The following MCPH1 variants were observed in gnomAD, a reference collection of about 807,000 sequenced individuals.
MCPH1 encodes the protein microcephalin 1.
Under a neutral mutation model 84.5 loss-of-function variants are expected in MCPH1, and 104 were observed. The ratio of observed to expected loss-of-function variants is 1.23; its 90% CI spans 1.05 to 1.45. MCPH1 has a LOEUF of 1.45. Among genes scored for constraint, MCPH1 ranks in the 40% most tolerant of loss-of-function variants. The pLI, the probability that MCPH1 is intolerant of heterozygous loss-of-function variation, is 0.00. For missense variants in MCPH1, 1,498 were observed against 1,005.7 expected (o/e 1.49, Z -6.62); for synonymous variants, 514 against 366.8 (o/e 1.40, Z -4.58).
chr8:6,460,440 G>C (rs7001036), intron 9 of MCPH1, among the ~76,000 whole-genome samples: 37,144 of 151,712 alleles, frequency 0.24, 6,308 homozygotes, highest in African/African-American at 0.48. Context: ...GGTCTCGAAC[G>C]CCTGGTCTCA....
At chr8:6,426,339 G>A (rs1479488267) in intron 3 of MCPH1, among the ~76,000 whole-genome samples, 3 of 151,910 alleles carry the variant, frequency 2.0e-5, no homozygotes, top group African/African-American at 4.8e-5. Flanking sequence ...ATTTGCTGTC[G>A]GCCTCCCTGC....
At chr8:6,530,470 C>T (rs2515473) in intron 12 of MCPH1, among the ~76,000 whole-genome samples, 98,721 of 145,984 alleles carry the variant, frequency 0.68, 33,842 homozygotes, top group Non-Finnish European at 0.72. Flanking sequence ...GATCACACCA[C>T]TGCACTCCAA....
At chr8:6,464,446 C>G (rs1488691051) in intron 9 of MCPH1, among the ~76,000 whole-genome samples, 1 of 152,190 alleles carries the variant, frequency 6.6e-6, no homozygotes, top group African/African-American at 2.4e-5. Flanking sequence ...ATAGGATCTT[C>G]AAAGAACTCC....
At chr8:6,632,686 G>T (rs1011942071) in intron 13 of MCPH1, among the ~76,000 whole-genome samples, 1 of 152,140 alleles carries the variant, frequency 6.6e-6, no homozygotes, top group African/African-American at 2.4e-5. Context: ...GCACGTGCCT[G>T]TAGTCCCAGC....
At chr8:6,450,659 C>T (rs1254305158) in intron 8 of MCPH1, among the ~76,000 whole-genome samples, 2 of 151,756 alleles carry the variant, frequency 1.3e-5, no homozygotes, top group East Asian at 3.8e-4. Flanking sequence ...ATGATGTCAC[C>T]GATAACCACT....
intron 12 of MCPH1, among the ~76,000 whole-genome samples, chr8:6,556,094 C>T (rs1384225163): frequency 6.6e-6 from 1 of 152,126 alleles, no homozygotes; most frequent in African/African-American, 2.4e-5. Context: ...GCGAGAATTG[C>T]TGCCAAGACT....
At chr8:6,634,114 T>A (rs1233198725) in intron 13 of MCPH1, among the ~76,000 whole-genome samples, 1 of 152,080 alleles carries the variant, frequency 6.6e-6, no homozygotes, top group African/African-American at 2.4e-5. Context: ...AAAATGAAGA[T>A]GTGAATAGTG....
At chr8:6,618,142 T>G (rs1408685220) in intron 12 of MCPH1, among the ~76,000 whole-genome samples, 1 of 152,218 alleles carries the variant, frequency 6.6e-6, no homozygotes, top group African/African-American at 2.4e-5. Flanking sequence ...ATGAAAATAA[T>G]AAACAGCAAG....
chr8:6,636,117 T>C (rs1797534057), intron 13 of MCPH1, among the ~76,000 whole-genome samples: 2 of 152,268 alleles, frequency 1.3e-5, no homozygotes, highest in East Asian at 3.9e-4. Flanking sequence ...GGCGGGCAGA[T>C]CACTTGAGGC....
At chr8:6,455,276 T>G in intron 9 of MCPH1, 24 bp downstream of exon 9, 1 of 1,500,850 alleles carries the variant, frequency 6.7e-7, no homozygotes, top group Non-Finnish European at 9.3e-7. Flanking sequence ...AATATTATTT[T>G]AAACTTTCAA....
At chr8:6,623,097 C>T (rs1477452795) in intron 13 of MCPH1, among the ~76,000 whole-genome samples, 1 of 148,732 alleles carries the variant, frequency 6.7e-6, no homozygotes, top group Non-Finnish European at 1.5e-5. Flanking sequence ...AAGCGATCCT[C>T]CTGCTTTGGC....
chr8:6,483,220 G>C (rs1460827888), intron 11 of MCPH1, among the ~76,000 whole-genome samples: 2 of 152,206 alleles, frequency 1.3e-5, no homozygotes, highest in Non-Finnish European at 2.9e-5. Context: ...TGGATTAGAA[G>C]ACATAGTACA....
At chr8:6,602,788 G>C (rs1040022561) in intron 12 of MCPH1, among the ~76,000 whole-genome samples, 3 of 151,712 alleles carry the variant, frequency 2.0e-5, no homozygotes, top group Admixed American at 6.6e-5. Flanking sequence ...CTCCTGTTCT[G>C]ACCTCCCCAC....
At chr8:6,476,811 C>G (rs111817399) in intron 9 of MCPH1, among the ~76,000 whole-genome samples, 14 of 152,222 alleles carry the variant, frequency 9.2e-5, no homozygotes, top group African/African-American at 2.7e-4. Flanking sequence ...ATGTAAATTA[C>G]AAAAGTATAT....
intron 12 of MCPH1, among the ~76,000 whole-genome samples, chr8:6,543,690 G>A (rs1822020219): frequency 6.6e-6 from 1 of 152,088 alleles, no homozygotes; most frequent in Non-Finnish European, 1.5e-5. Flanking sequence ...GTGCTTTTCT[G>A]AACTATTTAG....
At chr8:6,502,844 G>A (rs898091946) in intron 12 of MCPH1, 4 of 449,342 alleles carry the variant, frequency 8.9e-6, no homozygotes, top group Non-Finnish European at 1.2e-5. Context: ...CTGATTCTCA[G>A]CCTCGGGTTC....
chr8:6,547,113 C>G (rs942061697), intron 12 of MCPH1, among the ~76,000 whole-genome samples: 3 of 151,628 alleles, frequency 2.0e-5, no homozygotes, highest in Non-Finnish European at 4.4e-5. Context: ...GCCAGTTTTA[C>G]AAAACTCATG....
intron 3 of MCPH1, among the ~76,000 whole-genome samples, chr8:6,426,343 T>C (rs1047996081): frequency 6.6e-6 from 1 of 152,206 alleles, no homozygotes; most frequent in African/African-American, 2.4e-5. Flanking sequence ...GCTGTCGGCC[T>C]CCCTGCCCCC....
chr8:6,594,379 G>T lies in MCPH1; in HGVS notation c.2215-27075G>T, dbSNP rs545030807. On this transcript the variant is annotated intron_variant, in intron 12 of 13. Transcript: ENST00000344683. The stretch of plus-strand genomic sequence containing the variant: ...GAATTTTACTGGAGTTTTCACTGCA[G>T]TGCAGCCCAGGGTAGGACACAGAGG... 9.2e-5 allele frequency among the ~76,000 whole-genome samples: 14 copies of T among 152,344 alleles called. No homozygotes were observed. In the South Asian group the frequency reaches 2.7e-3, roughly 29 times the overall value.
Sources: gnomAD v4.1 joint callset for allele counts (sites outside exome capture counted in the v4.1 genomes callset) on GRCh38, gnomAD v4.1.1 for gene constraint, MANE v1.5 for transcripts, NCBI Gene and HGNC (gene_info 2026-07-23, HGNC 2026-07-21) for gene names.